Variants in PRRC2C observed in about 807,000 individuals in gnomAD.
PRRC2C encodes proline rich coiled-coil 2C, also known as protein PRRC2C.
In PRRC2C, 72 loss-of-function variants were observed where a neutral mutation model predicts 317.2. The observed-to-expected ratio is 0.23, with a 90% confidence interval of 0.19 to 0.28. The LOEUF (loss-of-function observed/expected upper bound fraction) is 0.28, where lower values mean the gene tolerates loss of function less well. Among genes scored for constraint, PRRC2C ranks in the 10% least tolerant of loss-of-function variants. The probability of loss-of-function intolerance (pLI) is 1.00; values close to 1 mark genes in which losing one functional copy is unlikely to be tolerated. For missense variants in PRRC2C, 3,074 were observed against 3,459.7 expected, an observed-to-expected ratio of 0.89 and a Z score of 2.80; for synonymous variants, 1,296 against 1,205.9, an observed-to-expected ratio of 1.07 and a Z score of -1.55.
intron 23 of PRRC2C, 72 bp downstream of exon 23, chr1:171,568,411 T>G (rs1207278820): frequency 1.3e-6 from 2 of 1,527,924 alleles, no homozygotes; most frequent in South Asian, 1.2e-5. Context: ...CATTATTTCA[T>G]GTTTTATTTA....
chr1:171,555,265 G>T (rs544107182), intron 18 of PRRC2C, among the ~76,000 whole-genome samples: 7 of 152,132 alleles, frequency 4.6e-5, no homozygotes, highest in Non-Finnish European at 8.8e-5. Flanking sequence ...GGCTACTGAA[G>T]CTTGGGCATG....
At position 171,592,931 on chromosome 1, in the gene PRRC2C, C is replaced by T. The variant is rs968315765; in HGVS notation, c.*1084C>T. The T allele has an allele frequency of 3.9e-5, 6 of 152,064 alleles. No homozygotes were observed. In the East Asian group the frequency reaches 9.7e-4, roughly 24 times the overall value. 9.4% of individuals were successfully genotyped at this position (152,064 alleles called of 1,614,324 possible). On this transcript the variant is annotated 3_prime_UTR_variant, in exon 35 of 35. Transcript: ENST00000647382. ...GATATAGGACAGTACTGTATCATAC[C>T]TCTGTGAATGTAAAATATCTTGTAC...
At chr1:171,492,501 G>T (rs1667332578) in intron 1 of PRRC2C, among the ~76,000 whole-genome samples, 1 of 152,062 alleles carries the variant, frequency 6.6e-6, no homozygotes, top group African/African-American at 2.4e-5. Flanking sequence ...GGAGGGTAGC[G>T]CACTGTGTTC....
In PRRC2C at chr1:171,537,427, C is replaced by T; in HGVS notation, c.2458C>T (p.Gln820Ter). The T allele has an allele frequency of 6.3e-7, 1 of 1,585,808 alleles. No individual in the cohort carries two copies. The highest frequency in any genetic ancestry group is 1.8e-5 in the Admixed American group (1 of 55,610). The change falls in exon 15 of 35, where the codon CAA becomes TAA. Residue 820 changes from glutamine (Q) to a stop codon, truncating the protein, a stop_gained. Coordinates refer to ENST00000647382, the MANE Select transcript of PRRC2C (RefSeq NM_001387844.1). LOFTEE classifies it high-confidence loss of function. ...GSDPYPHAEP[Q>*]QATTPKATEE... is the part of the protein sequence containing the mutation. ...AGATCCCTATCCTCATGCTGAGCCT[C>T]AACAAGCAACTACTCCCAAAGCAAC...
At chr1:171,486,588 T>C (rs1666164924) in intron 1 of PRRC2C, among the ~76,000 whole-genome samples, 1 of 152,104 alleles carries the variant, frequency 6.6e-6, no homozygotes, top group Non-Finnish European at 1.5e-5. Context: ...CTTTTGAGGG[T>C]CTGACATGCC....
intron 23 of PRRC2C, among the ~76,000 whole-genome samples, chr1:171,570,967 T>G (rs1205119064): frequency 6.6e-6 from 1 of 152,196 alleles, no homozygotes. Flanking sequence ...GGCCTTAACA[T>G]AGACCAATTG....
intron 26 of PRRC2C, among the ~76,000 whole-genome samples, chr1:171,577,950 C>CTTTTTT (rs59582313): frequency 9.6e-6 from 1 of 103,758 alleles, no homozygotes; most frequent in African/African-American, 3.8e-5. Context: ...GCTAATTTTT[C>CTTTTTT]TTTTTTTTTT....
chr1:171,503,856 A>G (rs567245157), intron 1 of PRRC2C, among the ~76,000 whole-genome samples: 2 of 152,338 alleles, frequency 1.3e-5, no homozygotes, highest in Non-Finnish European at 2.9e-5. Context: ...TGCGTCTTAC[A>G]TGGCAGCAGA....
rs1651742300 is a variant in PRRC2C at position 171,593,153 on chromosome 1, G to T, written c.*1306G>T. The T allele has an allele frequency of 6.6e-6, 1 of 151,200 alleles. No individual in the cohort carries two copies. Among genetic ancestry groups the T allele is most frequent in the Non-Finnish European group, 1.5e-5 (1 of 67,856 alleles). The allele number at this position is 151,200 out of a possible 1,614,324, so 9.4% of individuals were successfully genotyped here. A position where few individuals can be genotyped will look rare whatever the true frequency, so the allele number is the denominator to read the frequency against. On this transcript the variant is annotated 3_prime_UTR_variant, in exon 35 of 35. Transcript: ENST00000647382. The stretch of plus-strand genomic sequence containing the variant: ...TTTTCCCCCCTTTTTTTTAAATGGA[G>T]TGTGCTGGATGTCTCTATAATTTTA...
chr1:171,556,503 G>A (rs567523647), intron 18 of PRRC2C, among the ~76,000 whole-genome samples: 14 of 152,284 alleles, frequency 9.2e-5, no homozygotes, highest in East Asian at 1.9e-4. Context: ...CGTCTTCTGC[G>A]TCAATCACAC....
intron 6 of PRRC2C, among the ~76,000 whole-genome samples, chr1:171,521,157 T>G (rs754876189): frequency 6.6e-6 from 1 of 152,194 alleles, no homozygotes; most frequent in Non-Finnish European, 1.5e-5. Context: ...TTACTTCAAA[T>G]GTAAGAATTT....
At chr1:171,572,696 A>C (rs1684987130) in intron 24 of PRRC2C, among the ~76,000 whole-genome samples, 1 of 152,068 alleles carries the variant, frequency 6.6e-6, no homozygotes, top group Non-Finnish European at 1.5e-5. Context: ...ACTTAGTCTT[A>C]CTTTTATGGT....
intron 18 of PRRC2C, among the ~76,000 whole-genome samples, chr1:171,553,366 G>A (rs2102605064): frequency 1.3e-5 from 2 of 151,224 alleles, no homozygotes; most frequent in South Asian, 2.1e-4. Flanking sequence ...TTCTTTATTA[G>A]TCTTGCTAGC....
intron 6 of PRRC2C, among the ~76,000 whole-genome samples, chr1:171,518,351 G>A (rs1672775922): frequency 6.6e-6 from 1 of 151,974 alleles, no homozygotes; most frequent in Admixed American, 6.6e-5. Flanking sequence ...TTTCCTGAGA[G>A]GAGGTCCATA....
chr1:171,506,487 T>G (rs796200068), intron 1 of PRRC2C, among the ~76,000 whole-genome samples: 1 of 152,258 alleles, frequency 6.6e-6, no homozygotes, highest in South Asian at 2.1e-4. Flanking sequence ...GCAGTTTTCA[T>G]CAAATTTGTA....
chr1:171,588,127 C>T (rs1650479109), intron 32 of PRRC2C, among the ~76,000 whole-genome samples: 1 of 152,026 alleles, frequency 6.6e-6, no homozygotes, highest in Non-Finnish European at 1.5e-5. Flanking sequence ...CACGTGCCAC[C>T]ACACCTGGCT....
intron 34 of PRRC2C, 100 bp downstream of exon 34, chr1:171,589,705 C>A: frequency 1.2e-6 from 1 of 802,582 alleles, no homozygotes; most frequent in Non-Finnish European, 1.7e-6. Flanking sequence ...CATTCATTGT[C>A]TTAGCAGACT....
At chr1:171,497,500 CTCTG>C (rs1668339186) in intron 1 of PRRC2C, among the ~76,000 whole-genome samples, 1 of 152,092 alleles carries the variant, frequency 6.6e-6, no homozygotes, top group African/African-American at 2.4e-5. Context: ...CAGGGTCTTA[CTCTG>C]TCTATTGCCG....
intron 1 of PRRC2C, among the ~76,000 whole-genome samples, chr1:171,494,292 G>A (rs4916389): frequency 0.81 from 123,575 of 152,184 alleles, 50,263 homozygotes; most frequent in Middle Eastern, 0.9. Context: ...TCAGTTTCCA[G>A]GAACAGCCTG....
Sources: gnomAD v4.1 joint callset for allele counts (sites outside exome capture counted in the v4.1 genomes callset) on GRCh38, gnomAD v4.1.1 for gene constraint, MANE v1.5 for transcripts, NCBI Gene and HGNC (gene_info 2026-07-23, HGNC 2026-07-21) for gene names.